DLG1: variants seen among roughly 807,000 people sequenced by gnomAD.
DLG1 encodes the protein discs large MAGUK scaffold protein 1, also known as disks large homolog 1.
In DLG1, 42 loss-of-function variants were observed where a neutral mutation model predicts 123.4. The ratio of observed to expected loss-of-function variants is 0.34; its 90% CI spans 0.27 to 0.44. The LOEUF is 0.44. Ranked by LOEUF, DLG1 falls within the 20% of genes least tolerant of loss-of-function variation. The pLI, the probability that DLG1 is intolerant of heterozygous loss-of-function variation, is 1.00. For synonymous variants in DLG1, 317 were observed against 356.2 expected (o/e 0.89, Z 1.24); for missense variants, 942 against 1,082.6 (o/e 0.87, Z 1.82).
chr3:197,058,578 G>A (rs560090059), intron 23 of DLG1, among the ~76,000 whole-genome samples: 6 of 152,246 alleles, frequency 3.9e-5, no homozygotes, highest in South Asian at 2.1e-4. Flanking sequence ...CATTATGGTC[G>A]GAGAGTATTT....
chr3:197,093,213 C>T (rs1019595586), intron 14 of DLG1, among the ~76,000 whole-genome samples: 4 of 151,706 alleles, frequency 2.6e-5, no homozygotes, highest in African/African-American at 9.7e-5. Flanking sequence ...GGCTGGAGTG[C>T]AGTGGCGCGA....
intron 4 of DLG1, among the ~76,000 whole-genome samples, chr3:197,266,872 A>C (rs1348351522): frequency 6.6e-6 from 1 of 152,214 alleles, no homozygotes; most frequent in Non-Finnish European, 1.5e-5. Context: ...CCTGAAAGCA[A>C]AGGGGAAGGA....
Position 197,140,227 on chromosome 3 carries a change from G to A in DLG1, c.626C>T (p.Thr209Met), listed in dbSNP as rs888923932. The A allele has an allele frequency of 5.0e-6, 8 of 1,612,810 alleles. No individual in the cohort carries two copies. Among genetic ancestry groups the A allele is most frequent in the East Asian group, 2.2e-5 (1 of 44,834 alleles). Residue 209 changes from threonine (T) to methionine (M), a missense_variant, in exon 8 of 25, where the codon ACG becomes ATG. By Grantham distance (81) the Thr-to-Met change is moderately conservative. Transcript: ENST00000667157. ...GTCATCTCCAATGTGTGGGTTGTCC[G>A]TACCTCCTGCAATGCTGAAACCAAG... ...SGLGFSIAGG[T>M]DNPHIGDDSS...
At chr3:197,086,862 TAAC>T (rs1438598672) in intron 15 of DLG1, among the ~76,000 whole-genome samples, 3 of 152,186 alleles carry the variant, frequency 2.0e-5, no homozygotes, top group Non-Finnish European at 4.4e-5. Context: ...AGGAAAATAC[TAAC>T]TTCTTACATT....
At chr3:197,160,018 CCTGT>C (rs1798159450) in intron 5 of DLG1, among the ~76,000 whole-genome samples, 1 of 152,146 alleles carries the variant, frequency 6.6e-6, no homozygotes, top group Non-Finnish European at 1.5e-5. Context: ...AGTTAGTACT[CCTGT>C]CTATCTTCAG....
intron 4 of DLG1, among the ~76,000 whole-genome samples, chr3:197,268,090 G>C (rs1364490352): frequency 1.3e-5 from 2 of 152,096 alleles, no homozygotes; most frequent in Non-Finnish European, 2.9e-5. Context: ...TATCACTTTG[G>C]AAATCCAAAA....
At chr3:197,247,547 T>C (rs553771915) in intron 4 of DLG1, among the ~76,000 whole-genome samples, 95 of 152,254 alleles carry the variant, frequency 6.2e-4, no homozygotes, top group African/African-American at 2.3e-3. Context: ...AACGGGACTC[T>C]TGTCATTGAC....
At chr3:197,270,347 G>A (rs577444581) in intron 4 of DLG1, among the ~76,000 whole-genome samples, 5 of 152,216 alleles carry the variant, frequency 3.3e-5, no homozygotes, top group East Asian at 1.9e-4. Flanking sequence ...GGTATACAGT[G>A]ATAACTTTGT....
At chr3:197,238,818 G>A (rs1747364392) in intron 4 of DLG1, among the ~76,000 whole-genome samples, 1 of 152,112 alleles carries the variant, frequency 6.6e-6, no homozygotes, top group African/African-American at 2.4e-5. Context: ...AAAATTTATG[G>A]TATAAAGTGA....
rs1175909194 is a variant in DLG1, at chr3:197,176,936, A to AGC, written c.483+17488_483+17489insGC. Among the ~76,000 whole-genome samples, 8 of 152,000 alleles carry AGC rather than the reference A, an allele frequency of 5.3e-5. No individual in the cohort carries two copies. The South Asian group carries it at 8.3e-4, about 16-fold the overall frequency. On this transcript the variant is annotated intron_variant, in intron 5 of 24. Transcript: ENST00000667157. Reference sequence around the variant, plus strand: ...TCTCTATGCTTTTCTAGAGTGTCCTATTGAACAAATGATATAAATTTTATT... The same window carrying AGC: ...TCTCTATGCTTTTCTAGAGTGTCCTAGCTTGAACAAATGATATAAATTTTATT...
intron 4 of DLG1, among the ~76,000 whole-genome samples, chr3:197,203,387 C>T (rs1170694649): frequency 5.3e-5 from 8 of 152,016 alleles, no homozygotes; most frequent in Non-Finnish European, 1.0e-4. Context: ...TATCTCCATT[C>T]GAAAACTAGG....
chr3:197,072,758 T>C (rs1744853636), intron 18 of DLG1, among the ~76,000 whole-genome samples: 1 of 151,708 alleles, frequency 6.6e-6, no homozygotes, highest in Non-Finnish European at 1.5e-5. Context: ...AGTGGCGTGA[T>C]CTCGGCTTAC....
intron 19 of DLG1, chr3:197,068,615 G>T: frequency 1.1e-6 from 1 of 894,876 alleles, no homozygotes; most frequent in Non-Finnish European, 1.8e-6. Context: ...CTGATATTAT[G>T]TACCCTCCCC....
At chr3:197,145,219 T>C (rs991731896) in intron 6 of DLG1, among the ~76,000 whole-genome samples, 6 of 152,202 alleles carry the variant, frequency 3.9e-5, no homozygotes, top group Non-Finnish European at 8.8e-5. Flanking sequence ...TGCAGCAATA[T>C]CCCCTTTCTT....
rs767492218 is a variant in DLG1, at chr3:197,140,099, C to G, written c.713+41G>C. 8 of 1,593,188 alleles carry G rather than the reference C, an allele frequency of 5.0e-6. No individual in the cohort carries two copies. The Middle Eastern group carries it at 5.0e-4, about 100-fold the overall frequency. On this transcript the variant is annotated intron_variant, in intron 8 of 24. Transcript: ENST00000667157. ...TCCAGTCTGCTTCAAGAAAAATACA[C>G]AAAGTGGATTCAGCATCACAATAAA...
At position 197,118,646 on chromosome 3, in the gene DLG1, G is replaced by A. The variant is rs138309514; in HGVS notation, c.1286+764C>T. ...ATAAAAGACGTGTACAAATTACAAA[G>A]CAAACTCTATAGTGTCTTATTACTA... On this transcript the variant is annotated intron_variant, in intron 12 of 24. Coordinates refer to ENST00000667157, the MANE Select transcript of DLG1 (RefSeq NM_001366207.1). Among the ~76,000 whole-genome samples the A allele has an allele frequency of 4.6e-3, 694 of 152,100 alleles. 6 individuals are homozygous for A. The highest frequency in any genetic ancestry group is 0.016 in the African/African-American group (663 of 41,502).
At chr3:197,066,175 T>C (rs141541768) in intron 20 of DLG1, among the ~76,000 whole-genome samples, 1 of 152,286 alleles carries the variant, frequency 6.6e-6, no homozygotes, top group East Asian at 1.9e-4. Flanking sequence ...AAACTGGATG[T>C]AGGAAGTGAT....
chr3:197,105,075 C>T (rs78225142), intron 13 of DLG1, 70 bp from the exon 14 acceptor site: 15,029 of 986,236 alleles, frequency 0.015, 164 homozygotes, highest in Non-Finnish European at 0.019. Context: ...ATAGTCTATT[C>T]TTTGAGTAAG....
chr3:197,217,052 G>C (rs1222415474), intron 4 of DLG1, among the ~76,000 whole-genome samples: 1 of 152,172 alleles, frequency 6.6e-6, no homozygotes, highest in African/African-American at 2.4e-5. Context: ...GAACAACTTA[G>C]GTTTAAAGGA....
Sources: allele counts gnomAD v4.1 joint callset (sites outside exome capture counted in the v4.1 genomes callset), GRCh38; gene constraint gnomAD v4.1.1; transcripts MANE v1.5; gene names NCBI Gene and HGNC (gene_info 2026-07-23, HGNC 2026-07-21).